DNAI2: variants seen among roughly 807,000 people sequenced by gnomAD.
DNAI2 encodes dynein axonemal intermediate chain 2, also known as dynein, axonemal, intermediate polypeptide 2.
DNAI2 carries 63 observed loss-of-function variants against 74.7 expected under a neutral mutation model. The observed-to-expected ratio is 0.84, with a 90% CI of 0.69 to 1.04. The LOEUF is 1.04. Among genes scored for constraint, DNAI2 ranks in the 50% least tolerant of loss-of-function variants. DNAI2 has a pLI of 0.00. For synonymous variants in DNAI2, 289 were observed against 314.9 expected, an observed-to-expected ratio of 0.92 and a Z score of 0.87; for missense variants, 688 against 803.2, an observed-to-expected ratio of 0.86 and a Z score of 1.73.
In DNAI2 at chr17:74,274,282, CGG is replaced by C. The variant is rs2050931310; in HGVS notation, c.-74_-73del. On this transcript the variant is annotated 5_prime_UTR_variant, in exon 1 of 14. Transcript: ENST00000311014. Reference sequence around the variant, plus strand: ...GTAAACGCCGCCGTTTGAGGAGCACCGGAGCCGCGACCGTGGATTGAACGCTT... The same window carrying C: ...GTAAACGCCGCCGTTTGAGGAGCACCAGCCGCGACCGTGGATTGAACGCTT... 1 of 135,878 alleles carries C rather than the reference CGG, an allele frequency of 7.4e-6. No homozygotes were observed. The highest frequency in any genetic ancestry group is 8.2e-5 in the Admixed American group (1 of 12,126). The allele number at this position is 135,878 out of a possible 1,614,324, so 8.4% of individuals were successfully genotyped here.
At chr17:74,278,675 G>T (rs2051222813) in intron 1 of DNAI2, among the ~76,000 whole-genome samples, 1 of 152,124 alleles carries the variant, frequency 6.6e-6, no homozygotes, top group African/African-American at 2.4e-5. Context: ...TACTCTGGAG[G>T]CTGAAGCAGG....
At chr17:74,287,153 G>A (rs922664026) in intron 4 of DNAI2, 55 bp downstream of exon 4, 108 of 1,604,806 alleles carry the variant, frequency 6.7e-5, no homozygotes, top group Non-Finnish European at 8.8e-5. Context: ...CCATGCATGG[G>A]CGCCTCCAAA....
intron 3 of DNAI2, among the ~76,000 whole-genome samples, chr17:74,285,829 T>C (rs4125): frequency 0.33 from 49,845 of 151,866 alleles, 9,112 homozygotes; most frequent in Non-Finnish European, 0.43. Flanking sequence ...GAAGGCTTCC[T>C]GGAAGAAGTG....
chr17:74,289,643 G>A lies in DNAI2; in HGVS notation c.517G>A (p.Asp173Asn), dbSNP rs150649080. Residue 173 changes from aspartate to asparagine, a missense_variant, in exon 5 of 14, where the codon GAT (aspartate) becomes AAT (asparagine). Asp to Asn is a conservative substitution (Grantham distance 23). Coordinates refer to ENST00000311014, the MANE Select transcript of DNAI2 (RefSeq NM_023036.6). ...TGCCACACACCTCTCCTGGCACCCC[G>A]ATGGCAACAGGAAGTTGGCAGTGGC... ...RAATHLSWHP[D>N]GNRKLAVAYS... is the part of the protein sequence containing the mutation. 9.3e-6 allele frequency: 15 copies of A among 1,613,952 alleles called. No individual in the cohort carries two copies. Among genetic ancestry groups the A allele is most frequent in the Admixed American group, 1.7e-5 (1 of 59,988 alleles).
chr17:74,309,479 C>A, intron 10 of DNAI2, 91 bp downstream of exon 10: 2 of 1,568,036 alleles, frequency 1.3e-6, no homozygotes, highest in Non-Finnish European at 1.7e-6. Flanking sequence ...AGCACGTGTG[C>A]AGTGTGTGGC....
chr17:74,281,685 C>T (rs1335555636), intron 1 of DNAI2, 122 bp from the exon 2 acceptor site: 8 of 921,168 alleles, frequency 8.7e-6, no homozygotes, highest in Non-Finnish European at 1.4e-5. Context: ...TAGGATCTCC[C>T]CACCACCCCT....
chr17:74,294,786 T>A (rs547926379), intron 6 of DNAI2, among the ~76,000 whole-genome samples: 11 of 152,316 alleles, frequency 7.2e-5, no homozygotes, highest in African/African-American at 1.2e-4. Flanking sequence ...ATTATTTTTT[T>A]AAAAATCAAA....
At position 74,281,805 on chromosome 17, in the gene DNAI2, A is replaced by G. The variant is rs1387658610; in HGVS notation, c.-11-2A>G. The G allele has an allele frequency of 2.5e-6, 4 of 1,613,308 alleles. No homozygotes were observed. Among genetic ancestry groups the G allele is most frequent in the Admixed American group, 1.7e-5 (1 of 59,984 alleles). On this transcript the variant is annotated splice_acceptor_variant, in intron 1 of 13. Transcript: ENST00000311014. LOFTEE classifies it low-confidence loss of function (5UTR_SPLICE). ...ACCCCACACCCTCCCTCTGCCCCCC[A>G]GCAGCCGGCACCATGGAGATTGTGT...
chr17:74,314,392 C>A, intron 13 of DNAI2, 121 bp downstream of exon 13: 2 of 1,295,036 alleles, frequency 1.5e-6, no homozygotes, highest in Non-Finnish European at 2.2e-6. Flanking sequence ...CCCACTGACT[C>A]ACTGGGCACT....
At chr17:74,276,255 G>A (rs560906751) in intron 1 of DNAI2, among the ~76,000 whole-genome samples, 44 of 152,200 alleles carry the variant, frequency 2.9e-4, no homozygotes, top group Non-Finnish European at 1.6e-4. Context: ...CTGCCTCCCC[G>A]GGGATGCGGG....
In DNAI2 at chr17:74,289,616, G is replaced by A; in HGVS notation, c.490G>A (p.Ala164Thr). Residue 164 changes from alanine (A) to threonine (T), a missense_variant, in exon 5 of 14, where the codon GCT becomes ACT. By Grantham distance (58) the Ala-to-Thr change is moderately conservative. Transcript: ENST00000311014. ...VFRDPQEIKR[A>T]ATHLSWHPDG... ...CAGGGACCCCCAGGAAATCAAGAGGGCTGCCACACACCTCTCCTGGCACCC... is the reference window on the plus strand; with the variant it reads ...CAGGGACCCCCAGGAAATCAAGAGGACTGCCACACACCTCTCCTGGCACCC... 6.2e-7 allele frequency: 1 copy of A among 1,614,078 alleles called. No individual in the cohort carries two copies. The highest frequency in any genetic ancestry group is 8.5e-7 in the Non-Finnish European group (1 of 1,180,012).
intron 8 of DNAI2, among the ~76,000 whole-genome samples, chr17:74,303,805 AAT>A (rs372116298): frequency 2.0e-3 from 299 of 152,168 alleles, no homozygotes; most frequent in South Asian, 0.015. Flanking sequence ...ATAATAAAAC[AAT>A]ATGTTTTTTA....
At chr17:74,277,754 T>C (rs1001367667) in intron 1 of DNAI2, among the ~76,000 whole-genome samples, 1 of 152,208 alleles carries the variant, frequency 6.6e-6, no homozygotes, top group Non-Finnish European at 1.5e-5. Flanking sequence ...AAAACACGAA[T>C]TGCTAGGCCC....
rs2053427941 is a variant in DNAI2, at chr17:74,310,105, T to TG, written c.1438dup (p.Glu480GlyfsTer13). The TG allele has an allele frequency of 6.2e-7, 1 of 1,613,752 alleles. No homozygotes were observed. The highest frequency in any genetic ancestry group is 1.3e-5 in the African/African-American group (1 of 74,924). ...TCCCAGCTGGGGACAACCACCCTGC[T>TG]GGAGGTCTCGCCTGGGCTCTCTACC... On this transcript the variant is annotated frameshift_variant, in exon 11 of 14. Transcript: ENST00000311014. LOFTEE classifies it high-confidence loss of function.
rs748500534 is a variant in DNAI2, at chr17:74,291,159, T to A, written c.724+26T>A. The A allele has an allele frequency of 3.9e-6, 6 of 1,519,818 alleles. No homozygotes were observed. In the East Asian group the frequency reaches 1.4e-4, roughly 34 times the overall value. 94.1% of individuals were successfully genotyped at this position (1,519,818 alleles called of 1,614,324 possible). On this transcript the variant is annotated intron_variant, in intron 6 of 13. Coordinates refer to ENST00000311014, the MANE Select transcript of DNAI2 (RefSeq NM_023036.6). ...GTAAGGAGGGACCTAGGCTTTTTTA[T>A]TTTTATTTTTATTTTTTTTAGATGG...
At chr17:74,298,851 T>C (rs1285215101) in intron 6 of DNAI2, among the ~76,000 whole-genome samples, 1 of 152,152 alleles carries the variant, frequency 6.6e-6, no homozygotes, top group Non-Finnish European at 1.5e-5. Context: ...CTTGGATTCC[T>C]GGGCTCAAGC....
Position 74,285,073 on chromosome 17 carries a change from G to C in DNAI2, c.217G>C (p.Gly73Arg), listed in dbSNP as rs750191854. ...NSERFEMETR[G>R]VNHVEGGWPK... Reference sequence around the variant, plus strand: ...AGAGCGGTTTGAGATGGAGACCCGGGGAGTTAACCATGTCGAGGGGGGCTG... The same window carrying C: ...AGAGCGGTTTGAGATGGAGACCCGGCGAGTTAACCATGTCGAGGGGGGCTG... The change falls in exon 3 of 14, where the codon GGA (glycine) becomes CGA (arginine). Residue 73 changes from glycine to arginine, a missense_variant. Physicochemically the swap from Gly to Arg is moderately radical, Grantham distance 125. Transcript: ENST00000311014. 2 of 1,614,234 alleles carry C rather than the reference G, an allele frequency of 1.2e-6. No homozygotes were observed. The highest frequency in any genetic ancestry group is 2.2e-5 in the South Asian group (2 of 91,088).
rs779060081 is a variant in DNAI2, at chr17:74,285,200, C to A, written c.344C>A (p.Ser115Tyr). 1.2e-6 allele frequency: 2 copies of A among 1,614,000 alleles called. No homozygotes were observed. Among genetic ancestry groups the A allele is most frequent in the Middle Eastern group, 3.3e-4 (2 of 6,062 alleles). ...GTTAACGCCATCATGCAGCTCGGCT[C>A]TGTAAGGCTTCCTCCTGCCCCAGCT... ...NYVNAIMQLG[S>Y]IMEHCIKQNN... is the part of the protein sequence containing the mutation. Residue 115 changes from serine (S) to tyrosine (Y), a missense_variant and splice_region_variant, in exon 3 of 14, where the codon TCT (serine) becomes TAT (tyrosine). Physicochemically the swap from Ser to Tyr is moderately radical, Grantham distance 144. Transcript: ENST00000311014.
In DNAI2 at chr17:74,314,263, C is replaced by T. The variant is rs766833504; in HGVS notation, c.*47C>T. 17 of 1,611,976 alleles carry T rather than the reference C, an allele frequency of 1.1e-5. No individual in the cohort carries two copies. The South Asian group carries it at 1.2e-4, about 11-fold the overall frequency. ...GCTATCCCTGTGTGCCTTCCTTTCCCACCTCTTGGTATTGCCCCGCTCTCA... is the reference window on the plus strand; with the variant it reads ...GCTATCCCTGTGTGCCTTCCTTTCCTACCTCTTGGTATTGCCCCGCTCTCA... On this transcript the variant is annotated 3_prime_UTR_variant, in exon 13 of 14. Transcript: ENST00000311014.
Sources: allele counts gnomAD v4.1 joint callset (sites outside exome capture counted in the v4.1 genomes callset), GRCh38; gene constraint gnomAD v4.1.1; transcripts MANE v1.5; gene names NCBI Gene and HGNC (gene_info 2026-07-23, HGNC 2026-07-21).